The following A1CF variants were observed in gnomAD, a reference collection of about 807,000 sequenced individuals.
A1CF encodes APOBEC-1 stimulating protein.
A neutral mutation model predicts 68.9 loss-of-function variants in A1CF; 48 were observed. The observed-to-expected ratio is 0.70, with a 90% CI of 0.55 to 0.89. A1CF has a LOEUF of 0.89. A1CF is among the 40% of genes least tolerant of loss of function. The pLI, the probability that A1CF is intolerant of heterozygous loss-of-function variation, is 0.00. For missense variants in A1CF, 653 were observed against 718.9 expected (o/e 0.91, Z 1.05); for synonymous variants, 272 against 260.4 (o/e 1.04, Z -0.43).
intron 2 of A1CF, among the ~76,000 whole-genome samples, chr10:50,861,843 A>G (rs1339524592): frequency 6.7e-6 from 1 of 148,470 alleles, no homozygotes; most frequent in African/African-American, 2.4e-5. Context: ...CAATAGTAAT[A>G]TTAATAGTAT....
intron 3 of A1CF, among the ~76,000 whole-genome samples, chr10:50,846,025 A>G (rs1839985463): frequency 6.6e-6 from 1 of 152,132 alleles, no homozygotes; most frequent in South Asian, 2.1e-4. Context: ...CTCTACTGCA[A>G]TTTAAAATCC....
intron 3 of A1CF, among the ~76,000 whole-genome samples, chr10:50,847,367 A>G (rs746432425): frequency 3.9e-5 from 6 of 152,170 alleles, no homozygotes; most frequent in Non-Finnish European, 8.8e-5. Flanking sequence ...TAATTTACAT[A>G]TTGGATGCTG....
chr10:50,844,061 C>T lies in A1CF; in HGVS notation c.161G>A (p.Arg54Lys), dbSNP rs763882781. The change falls in exon 4 of 13, where the codon AGG becomes AAG. Residue 54 changes from arginine to lysine, a missense_variant. Coordinates refer to ENST00000373997, the MANE Select transcript of A1CF (RefSeq NM_014576.4). Reference protein sequence around the residue: ...PPGWDAAPPERGCEIFIGKLP... With the variant: ...PPGWDAAPPEKGCEIFIGKLP... The stretch of plus-strand genomic sequence containing the variant: ...TTTTCCAATAAAAATTTCACAGCCC[C>T]TTTCAGGGGGTGCAGCATCCCAACC... 3.1e-6 allele frequency: 5 copies of T among 1,613,842 alleles called. No individual in the cohort carries two copies. The highest frequency in any genetic ancestry group is 1.1e-5 in the South Asian group (1 of 91,042).
chr10:50,884,751 A>G (rs367737610), intron 1 of A1CF, among the ~76,000 whole-genome samples: 2 of 152,270 alleles, frequency 1.3e-5, no homozygotes, highest in African/African-American at 2.4e-5. Context: ...TGGAATTTAC[A>G]TAGGTAATCA....
chr10:50,825,002 C>T (rs886658004), intron 7 of A1CF, among the ~76,000 whole-genome samples: 7 of 152,078 alleles, frequency 4.6e-5, no homozygotes, highest in African/African-American at 9.7e-5. Flanking sequence ...TGGTGTGGAG[C>T]CACACCCTCA....
At chr10:50,848,856 C>T (rs1243366201) in intron 3 of A1CF, among the ~76,000 whole-genome samples, 1 of 152,140 alleles carries the variant, frequency 6.6e-6, no homozygotes, top group Non-Finnish European at 1.5e-5. Flanking sequence ...TACCAGCTTG[C>T]CAGTCACCAG....
chr10:50,857,232 T>C (rs962144694), intron 3 of A1CF, among the ~76,000 whole-genome samples: 7 of 152,174 alleles, frequency 4.6e-5, no homozygotes, highest in African/African-American at 1.7e-4. Context: ...GATATTTTAA[T>C]ACACGCGTAC....
chr10:50,832,255 G>A (rs1839281193), intron 6 of A1CF, among the ~76,000 whole-genome samples: 1 of 152,164 alleles, frequency 6.6e-6, no homozygotes, highest in Non-Finnish European at 1.5e-5. Flanking sequence ...CAGCCACAGT[G>A]GGAGTGTTAA....
rs888580203 is a variant in A1CF, at chr10:50,883,803, C to T, written c.-94+1778G>A. Reference sequence around the variant, plus strand: ...GCTCGAGCGTATGATATAATGGTTACGTGCTTGGGCTCTGGATCAGACTAC... The same window carrying T: ...GCTCGAGCGTATGATATAATGGTTATGTGCTTGGGCTCTGGATCAGACTAC... On this transcript the variant is annotated intron_variant, in intron 1 of 12. Transcript: ENST00000373997. 1.4e-4 allele frequency among the ~76,000 whole-genome samples: 21 copies of T among 152,302 alleles called. 1 individual carries two copies. Among genetic ancestry groups the T allele is most frequent in the East Asian group, 1.2e-3 (6 of 5,182 alleles).
In A1CF at chr10:50,802,516, G is replaced by A. The variant is rs1650720857; in HGVS notation, c.*4213C>T. ...AGATGTATTTACAATATATGAAAGT[G>A]TATCTACAATACATAAAAAGTGCCA... On this transcript the variant is annotated 3_prime_UTR_variant, in exon 13 of 13. Coordinates refer to ENST00000373997, the MANE Select transcript of A1CF (RefSeq NM_014576.4). 1 of 152,132 alleles carries A rather than the reference G, an allele frequency of 6.6e-6. No homozygotes were observed. The highest frequency in any genetic ancestry group is 2.4e-5 in the African/African-American group (1 of 41,438). 9.4% of individuals were successfully genotyped at this position (152,132 alleles called of 1,614,324 possible). A position where few individuals can be genotyped will look rare whatever the true frequency, so the allele number is the denominator to read the frequency against.
chr10:50,836,047 C>T (rs1465146778), intron 6 of A1CF, 27 bp downstream of exon 6: 1 of 1,555,364 alleles, frequency 6.4e-7, no homozygotes. Context: ...GCAGAGAAGT[C>T]TCATCTTTGA....
At chr10:50,843,912 G>A in intron 4 of A1CF, 76 bp downstream of exon 4, 1 of 1,565,894 alleles carries the variant, frequency 6.4e-7, no homozygotes, top group East Asian at 2.3e-5. Context: ...AGAAGGCTGA[G>A]AATGAAAGCA....
intron 3 of A1CF, among the ~76,000 whole-genome samples, chr10:50,849,132 A>ATCC (rs1160309732): frequency 1.3e-5 from 2 of 152,104 alleles, no homozygotes; most frequent in South Asian, 4.1e-4. Flanking sequence ...TACCAACAGG[A>ATCC]TCCTCTTCAA....
rs760018751 is a variant in A1CF at position 50,799,837 on chromosome 10, G to C, written c.*6892C>G. The C allele has an allele frequency of 6.6e-6, 1 of 151,986 alleles. No individual in the cohort carries two copies. Among genetic ancestry groups the C allele is most frequent in the Non-Finnish European group, 1.5e-5 (1 of 67,960 alleles). 9.4% of individuals were successfully genotyped at this position (151,986 alleles called of 1,614,324 possible). On this transcript the variant is annotated 3_prime_UTR_variant, in exon 13 of 13. Coordinates refer to ENST00000373997, the MANE Select transcript of A1CF (RefSeq NM_014576.4). ...TTAAGATATAGGGAATAACAATATC[G>C]GGCTGTATTGCAGTCAGAAACATAG... is the stretch of plus-strand genomic sequence containing the variant.
chr10:50,881,858 A>T (rs1459680639), intron 1 of A1CF, among the ~76,000 whole-genome samples: 1 of 152,224 alleles, frequency 6.6e-6, no homozygotes, highest in Non-Finnish European at 1.5e-5. Flanking sequence ...TCTTAATATT[A>T]CCAGGGACCA....
rs1839488233 is a variant in A1CF, at chr10:50,836,270, G to A, written c.408C>T (p.Cys136=). ...LLGVCASVDN[C]RLFVGGIPKT... is the part of the protein sequence containing the mutation. The stretch of plus-strand genomic sequence containing the variant: ...TTGGGATGCCCCCAACAAATAATCG[G>A]CAGTTGTCCACACTGGCACAAACCC... Residue 136 remains cysteine, a synonymous_variant, in exon 6 of 13, where the codon TGC becomes TGT. Transcript: ENST00000373997. 6.2e-7 allele frequency: 1 copy of A among 1,613,888 alleles called. No individual in the cohort carries two copies. The highest frequency in any genetic ancestry group is 2.2e-5 in the East Asian group (1 of 44,852).
At chr10:50,853,557 T>G (rs1840343119) in intron 3 of A1CF, among the ~76,000 whole-genome samples, 1 of 152,062 alleles carries the variant, frequency 6.6e-6, no homozygotes, top group South Asian at 2.1e-4. Flanking sequence ...CTCTTTGTGG[T>G]GGAATCAAGA....
At position 50,806,648 on chromosome 10, in the gene A1CF, G is replaced by A; in HGVS notation, c.*81C>T. 1 of 1,316,034 alleles carries A rather than the reference G, an allele frequency of 7.6e-7. No individual in the cohort carries two copies. Among genetic ancestry groups the A allele is most frequent in the South Asian group, 1.7e-5 (1 of 57,630 alleles). 81.5% of individuals were successfully genotyped at this position (1,316,034 alleles called of 1,614,324 possible). A position where few individuals can be genotyped will look rare whatever the true frequency, so the allele number is the denominator to read the frequency against. ...AGGAAACATATTATTTATGATCATTGGGGACCGAGTTAGAGGTTTATTTCT... is the reference window on the plus strand; with the variant it reads ...AGGAAACATATTATTTATGATCATTAGGGACCGAGTTAGAGGTTTATTTCT... On this transcript the variant is annotated 3_prime_UTR_variant, in exon 13 of 13. Transcript: ENST00000373997.
intron 11 of A1CF, 98 bp from the exon 12 acceptor site, chr10:50,810,140 G>A (rs2132313197): frequency 9.3e-6 from 13 of 1,400,234 alleles, no homozygotes; most frequent in Non-Finnish European, 1.3e-5. Flanking sequence ...TGACTGGATG[G>A]TGGTATTTTG....
Sources: gnomAD v4.1 joint callset for allele counts (sites outside exome capture counted in the v4.1 genomes callset) on GRCh38, gnomAD v4.1.1 for gene constraint, MANE v1.5 for transcripts, NCBI Gene and HGNC (gene_info 2026-07-23, HGNC 2026-07-21) for gene names.